KSR2: variants seen among roughly 807,000 people sequenced by gnomAD.
The protein encoded by KSR2 is kinase suppressor of ras 2.
In KSR2, 25 loss-of-function variants were observed where a neutral mutation model predicts 107.8. The observed-to-expected ratio is 0.23, with a 90% confidence interval of 0.17 to 0.32. KSR2 has a LOEUF of 0.32. Among genes scored for constraint, KSR2 ranks in the 10% least tolerant of loss-of-function variants. The probability of loss-of-function intolerance (pLI) is 1.00; values close to 1 mark genes in which losing one functional copy is unlikely to be tolerated. For missense variants in KSR2, 887 were observed against 1,268.9 expected (o/e 0.70, Z 4.57); for synonymous variants, 480 against 507.0 (o/e 0.95, Z 0.71).
At chr12:117,644,446 T>C (rs528303451) in intron 5 of KSR2, among the ~76,000 whole-genome samples, 2 of 152,290 alleles carry the variant, frequency 1.3e-5, no homozygotes, top group Admixed American at 1.3e-4. Context: ...GCAGGATCAG[T>C]GGTTCTTGAT....
chr12:117,757,800 T>TAA (rs1220758892), intron 4 of KSR2, among the ~76,000 whole-genome samples: 2 of 152,346 alleles, frequency 1.3e-5, no homozygotes, highest in East Asian at 3.9e-4. Flanking sequence ...ATACACTTAA[T>TAA]AGACTACAGT....
chr12:117,933,328 T>C (rs1428428648), intron 1 of KSR2, among the ~76,000 whole-genome samples: 3 of 152,166 alleles, frequency 2.0e-5, no homozygotes, highest in African/African-American at 4.8e-5. Context: ...TGGTGGCTCA[T>C]GCCTGTAATC....
chr12:117,521,677 A>G (rs559571603), intron 14 of KSR2, among the ~76,000 whole-genome samples: 11 of 152,338 alleles, frequency 7.2e-5, no homozygotes, highest in Non-Finnish European at 1.6e-4. Flanking sequence ...GTAATTGGCT[A>G]GAATGTGCCA....
intron 4 of KSR2, chr12:117,677,067 G>C (rs1021731131): frequency 6.6e-6 from 1 of 152,196 alleles, no homozygotes; most frequent in Non-Finnish European, 1.5e-5. Flanking sequence ...AGCCTTCCTT[G>C]AAGAAGGGAG....
chr12:117,789,041 A>G (rs1446756429), intron 3 of KSR2, among the ~76,000 whole-genome samples: 1 of 152,194 alleles, frequency 6.6e-6, no homozygotes. Context: ...ATTTGCAACA[A>G]GTTCTCAGGG....
At chr12:117,825,948 C>T (rs1326771362) in intron 3 of KSR2, among the ~76,000 whole-genome samples, 1 of 28,742 alleles carries the variant, frequency 3.5e-5, no homozygotes, top group Non-Finnish European at 6.5e-5. Flanking sequence ...GACGGGTGAA[C>T]AGGTGGGTGG....
At chr12:117,892,082 T>C (rs1894363713) in intron 1 of KSR2, among the ~76,000 whole-genome samples, 7 of 152,016 alleles carry the variant, frequency 4.6e-5, no homozygotes. Context: ...GTGGGTCACC[T>C]GAAGGTAGGA....
chr12:117,911,784 G>A (rs1895022222), intron 1 of KSR2, among the ~76,000 whole-genome samples: 1 of 136,404 alleles, frequency 7.3e-6, no homozygotes, highest in Non-Finnish European at 1.5e-5. Context: ...CAATTCATGA[G>A]GATCGCAAAC....
At chr12:117,724,582 CCCCACCCCCG>C (rs1227336466) in intron 4 of KSR2, among the ~76,000 whole-genome samples, 2 of 57,460 alleles carry the variant, frequency 3.5e-5, no homozygotes, top group Admixed American at 2.1e-4. Context: ...AAACCTGCCC[CCCCACCCCCG>C]GCCGCCTGCA....
intron 3 of KSR2, among the ~76,000 whole-genome samples, chr12:117,804,157 C>T (rs955403063): frequency 1.3e-5 from 2 of 152,210 alleles, no homozygotes; most frequent in East Asian, 3.9e-4. Context: ...GATTCTCCTG[C>T]CTCGGCCTCC....
intron 9 of KSR2, among the ~76,000 whole-genome samples, chr12:117,550,980 C>A (rs1030322110): frequency 6.6e-6 from 1 of 152,202 alleles, no homozygotes; most frequent in Non-Finnish European, 1.5e-5. Context: ...ACTCATTTTG[C>A]GGAGCCAGCC....
intron 1 of KSR2, among the ~76,000 whole-genome samples, chr12:117,892,246 G>A (rs1202557939): frequency 6.6e-6 from 1 of 152,186 alleles, no homozygotes; most frequent in Non-Finnish European, 1.5e-5. Flanking sequence ...AGAGGTTGCA[G>A]TGAGCTGAGA....
intron 5 of KSR2, among the ~76,000 whole-genome samples, chr12:117,631,062 A>G (rs74655078): frequency 0.02 from 3,101 of 152,290 alleles, 112 homozygotes; most frequent in African/African-American, 0.071. Flanking sequence ...TCACACCCAT[A>G]GTCCCAACAC....
At chr12:117,816,453 A>G (rs1249119519) in intron 3 of KSR2, among the ~76,000 whole-genome samples, 4 of 152,128 alleles carry the variant, frequency 2.6e-5, no homozygotes, top group African/African-American at 9.7e-5. Context: ...AGCATAAGAA[A>G]AAGGTTACTG....
At chr12:117,751,318 G>A (rs906022675) in intron 4 of KSR2, among the ~76,000 whole-genome samples, 1 of 152,160 alleles carries the variant, frequency 6.6e-6, no homozygotes, top group African/African-American at 2.4e-5. Flanking sequence ...AAATTACCCA[G>A]TCTCGGGTAT....
intron 3 of KSR2, among the ~76,000 whole-genome samples, chr12:117,793,593 A>T (rs1472278615): frequency 6.9e-6 from 1 of 144,082 alleles, no homozygotes; most frequent in Non-Finnish European, 1.5e-5. Flanking sequence ...CAATATGCAC[A>T]CATACACCAA....
chr12:117,593,219 G>A (rs1030308226), intron 5 of KSR2, among the ~76,000 whole-genome samples: 4 of 152,100 alleles, frequency 2.6e-5, no homozygotes, highest in South Asian at 2.1e-4. Context: ...TGCCTGGCTC[G>A]GACTTAAACG....
At chr12:117,748,796 AG>A (rs1407617941) in intron 4 of KSR2, among the ~76,000 whole-genome samples, 10 of 152,252 alleles carry the variant, frequency 6.6e-5, no homozygotes, top group African/African-American at 2.2e-4. Flanking sequence ...TTCCCCCAAA[AG>A]CAGACCCTAA....
chr12:117,841,279 C>T (rs1225888573), intron 3 of KSR2, among the ~76,000 whole-genome samples: 1 of 152,150 alleles, frequency 6.6e-6, no homozygotes, highest in Non-Finnish European at 1.5e-5. Flanking sequence ...GCCCTTTCTG[C>T]CTTCCCCCTG....
Sources: allele counts gnomAD v4.1 joint callset (sites outside exome capture counted in the v4.1 genomes callset), GRCh38; gene constraint gnomAD v4.1.1; transcripts MANE v1.5; gene names NCBI Gene and HGNC (gene_info 2026-07-23, HGNC 2026-07-21).